CCDC7: variants seen among roughly 807,000 people sequenced by gnomAD.
CCDC7 encodes coiled-coil domain containing 7.
A neutral mutation model predicts 196.9 loss-of-function variants in CCDC7; 183 were observed. That is an observed-to-expected ratio of 0.93 (90% CI 0.82 to 1.05). CCDC7 has a LOEUF of 1.05. CCDC7 is among the 50% of genes least tolerant of loss of function. CCDC7 has a pLI of 0.00. For missense variants in CCDC7, 1,540 were observed against 1,482.2 expected (o/e 1.04, Z -0.64); for synonymous variants, 525 against 484.6 (o/e 1.08, Z -1.10).
At position 32,463,054 on chromosome 10, in the gene CCDC7, G is replaced by C. The variant is rs200536902; in HGVS notation, c.510+5G>C. 1.9e-6 allele frequency: 3 copies of C among 1,613,038 alleles called. No individual in the cohort carries two copies. Among genetic ancestry groups the C allele is most frequent in the Non-Finnish European group, 2.5e-6 (3 of 1,179,634 alleles). ...CAGGTCAATCAGATGGAAGAAGTAA[G>C]TCTAACGTTTTAAAATTGTTAAGTT... is the stretch of plus-strand genomic sequence containing the variant. On this transcript the variant is annotated splice_donor_5th_base_variant and intron_variant, in intron 5 of 41. Transcript: ENST00000639629.
At position 32,544,232 on chromosome 10, in the gene CCDC7, C is replaced by G; in HGVS notation, c.1080-15C>G. The stretch of plus-strand genomic sequence containing the variant: ...AAAAATATCATGATGCATTTTAAAA[C>G]ATTTTATGTTACAGGAAGATGTCTC... On this transcript the variant is annotated splice_polypyrimidine_tract_variant and intron_variant, in intron 12 of 41. Transcript: ENST00000639629. 6.3e-7 allele frequency: 1 copy of G among 1,594,038 alleles called. No homozygotes were observed. The highest frequency in any genetic ancestry group is 8.6e-7 in the Non-Finnish European group (1 of 1,169,410).
downstream of CCDC7, chr10:32,877,211 T>C (rs1022023117): frequency 6.6e-6 from 1 of 151,970 alleles, no homozygotes; most frequent in Non-Finnish European, 1.5e-5. Flanking sequence ...TAATGAAAAA[T>C]GAACAATTTA....
At chr10:32,596,028 G>C (rs909790093) in intron 18 of CCDC7, among the ~76,000 whole-genome samples, 5 of 152,144 alleles carry the variant, frequency 3.3e-5, no homozygotes, top group African/African-American at 4.8e-5. Flanking sequence ...TGTTGATTTG[G>C]GGTGGAGAGT....
At chr10:32,455,735 C>T (rs908371930) in intron 2 of CCDC7, among the ~76,000 whole-genome samples, 4 of 152,134 alleles carry the variant, frequency 2.6e-5, no homozygotes, top group Admixed American at 1.3e-4. Flanking sequence ...CTCTGATTTA[C>T]GAATCACTGC....
At chr10:32,561,106 G>A (rs1475834134) in intron 13 of CCDC7, among the ~76,000 whole-genome samples, 1 of 152,170 alleles carries the variant, frequency 6.6e-6, no homozygotes, top group Non-Finnish European at 1.5e-5. Flanking sequence ...AATTCAACAA[G>A]AAGAGGTAAC....
At chr10:32,530,893 T>C (rs2049537838) in intron 11 of CCDC7, among the ~76,000 whole-genome samples, 1 of 152,190 alleles carries the variant, frequency 6.6e-6, no homozygotes, top group African/African-American at 2.4e-5. Flanking sequence ...TTAGCTTGGG[T>C]TTGTTATAGA....
intron 28 of CCDC7, among the ~76,000 whole-genome samples, chr10:32,771,660 A>T (rs1321402533): frequency 6.6e-6 from 1 of 152,156 alleles, no homozygotes; most frequent in Non-Finnish European, 1.5e-5. Context: ...AGTGGGTACC[A>T]GCACCAGCTT....
chr10:32,609,043 C>T (rs1419748371), intron 18 of CCDC7, among the ~76,000 whole-genome samples: 2 of 152,124 alleles, frequency 1.3e-5, no homozygotes, highest in Non-Finnish European at 2.9e-5. Flanking sequence ...TATGATCTAT[C>T]CTGGAAAATG....
At chr10:32,667,004 C>T (rs548033641) in intron 21 of CCDC7, among the ~76,000 whole-genome samples, 250 of 152,164 alleles carry the variant, frequency 1.6e-3, no homozygotes, top group East Asian at 3.7e-3. Flanking sequence ...AGTGTAAAAG[C>T]GTTCCTATTT....
chr10:32,608,526 T>G (rs529497331), intron 18 of CCDC7, among the ~76,000 whole-genome samples: 3 of 152,216 alleles, frequency 2.0e-5, no homozygotes, highest in Admixed American at 2.0e-4. Flanking sequence ...TGATTTTTTT[T>G]GACTTCCATG....
chr10:32,703,112 A>G (rs1033097927), intron 24 of CCDC7, among the ~76,000 whole-genome samples: 1 of 152,124 alleles, frequency 6.6e-6, no homozygotes, highest in African/African-American at 2.4e-5. Context: ...CCTAGCATTG[A>G]TGGTCTTTAC....
At chr10:32,473,373 G>C (rs992455739) in intron 7 of CCDC7, among the ~76,000 whole-genome samples, 11 of 152,344 alleles carry the variant, frequency 7.2e-5, no homozygotes, top group African/African-American at 9.6e-5. Flanking sequence ...ATTGGTATTA[G>C]AGTAAGAAGC....
intron 29 of CCDC7, 37 bp from the exon 31 acceptor site, chr10:32,804,978 C>G (rs1319432525): frequency 1.5e-6 from 2 of 1,330,160 alleles, no homozygotes; most frequent in Non-Finnish European, 2.2e-6. Context: ...GTAAGGATTA[C>G]CTCGCAAAGT....
At chr10:32,565,138 G>A (rs2136862764) in intron 13 of CCDC7, among the ~76,000 whole-genome samples, 1 of 152,200 alleles carries the variant, frequency 6.6e-6, no homozygotes, top group South Asian at 2.1e-4. Context: ...CTCTAAATAT[G>A]GTCCTCAAAG....
In CCDC7 at chr10:32,569,648, G is replaced by T. The variant is rs191543456; in HGVS notation, c.1419+1757G>T. On this transcript the variant is annotated intron_variant, in intron 15 of 41. Transcript: ENST00000639629. Reference sequence around the variant, plus strand: ...TCACCATGTTGGCCAGGCTGGTCTCGAACTCGTGACCTCAGGTGATCCACC... The same window carrying T: ...TCACCATGTTGGCCAGGCTGGTCTCTAACTCGTGACCTCAGGTGATCCACC... Among the ~76,000 whole-genome samples, 84 of 152,088 alleles carry T rather than the reference G, an allele frequency of 5.5e-4. 1 individual carries two copies. The East Asian group carries it at 0.016, about 28-fold the overall frequency.
intron 18 of CCDC7, among the ~76,000 whole-genome samples, chr10:32,629,404 C>G (rs569038115): frequency 6.6e-6 from 1 of 152,090 alleles, no homozygotes; most frequent in African/African-American, 2.4e-5. Context: ...CTAGGAGACT[C>G]AGGAGTTCAG....
chr10:32,825,275 C>A (rs1173011545), intron 32 of CCDC7, among the ~76,000 whole-genome samples: 1 of 152,116 alleles, frequency 6.6e-6, no homozygotes, highest in Non-Finnish European at 1.5e-5. Flanking sequence ...AAGTATTGAT[C>A]CTGGTGTGTC....
At chr10:32,565,661 A>G (rs772709622) in intron 14 of CCDC7, 41 bp downstream of exon 15, 12 of 1,582,180 alleles carry the variant, frequency 7.6e-6, no homozygotes, top group South Asian at 1.2e-5. Context: ...TAACAAGTAA[A>G]GAAAATATCC....
upstream of CCDC7, among the ~76,000 whole-genome samples, chr10:32,450,724 T>C (rs957280482): frequency 2.6e-5 from 4 of 152,180 alleles, no homozygotes; most frequent in African/African-American, 9.7e-5. Context: ...TAATGATACC[T>C]TGGGCCAAGG....
Sources: allele counts gnomAD v4.1 joint callset (sites outside exome capture counted in the v4.1 genomes callset), GRCh38; gene constraint gnomAD v4.1.1; transcripts MANE v1.5; gene names NCBI Gene and HGNC (gene_info 2026-07-23, HGNC 2026-07-21).